Variants in RIMKLA observed in about 807,000 individuals in gnomAD.
RIMKLA encodes the protein N-acetylaspartylglutamate synthase A.
Under a neutral mutation model 32.7 loss-of-function variants are expected in RIMKLA, and 14 were observed. That is an observed-to-expected ratio of 0.43 (90% CI 0.28 to 0.67). The LOEUF is 0.67. Among genes scored for constraint, RIMKLA ranks in the 30% least tolerant of loss-of-function variants. The pLI, the probability that RIMKLA is intolerant of heterozygous loss-of-function variation, is 0.18. For missense variants in RIMKLA, 410 were observed against 519.0 expected (o/e 0.79, Z 2.04); for synonymous variants, 176 against 204.1 (o/e 0.86, Z 1.18).
intron 1 of RIMKLA, among the ~76,000 whole-genome samples, chr1:42,381,824 T>C (rs1642891694): frequency 6.6e-6 from 1 of 152,200 alleles, no homozygotes. Flanking sequence ...AAAAGGTTAA[T>C]TATTTTTTCG....
At chr1:42,388,732 A>G (rs1394437775) in intron 1 of RIMKLA, among the ~76,000 whole-genome samples, 2 of 150,930 alleles carry the variant, frequency 1.3e-5, no homozygotes, top group Non-Finnish European at 1.5e-5. Flanking sequence ...TGGCCAGGCT[A>G]GTCTTGAACT....
chr1:42,406,702 G>A (rs1215241209), intron 3 of RIMKLA, among the ~76,000 whole-genome samples: 1 of 152,042 alleles, frequency 6.6e-6, no homozygotes, highest in Non-Finnish European at 1.5e-5. Context: ...ATGTATGTAT[G>A]TATGCTTATT....
At chr1:42,411,767 C>T (rs1047111147) in intron 4 of RIMKLA, among the ~76,000 whole-genome samples, 12 of 151,954 alleles carry the variant, frequency 7.9e-5, no homozygotes, top group Non-Finnish European at 1.2e-4. Flanking sequence ...TCTGCCTCCC[C>T]GGTTCACACC....
chr1:42,406,937 T>G (rs80261905), intron 3 of RIMKLA, among the ~76,000 whole-genome samples: 1 of 152,062 alleles, frequency 6.6e-6, no homozygotes, highest in African/African-American at 2.4e-5. Flanking sequence ...TTTTTTTTTT[T>G]GAGATATGCT....
chr1:42,399,612 C>T lies in RIMKLA; in HGVS notation c.372C>T (p.Pro124=), dbSNP rs1266212838. The T allele has an allele frequency of 8.1e-6, 13 of 1,607,458 alleles. No homozygotes were observed. Among genetic ancestry groups the T allele is most frequent in the Non-Finnish European group, 1.1e-5 (13 of 1,176,490 alleles). ...AAGAACTGGCTGGACATGGGGTCCCCATGCCAGACACCTTCTCCTATGGTG... is the reference window on the plus strand; with the variant it reads ...AAGAACTGGCTGGACATGGGGTCCCTATGCCAGACACCTTCTCCTATGGTG... ...TFQELAGHGV[P]MPDTFSYGGH... Residue 124 remains proline, a synonymous_variant, in exon 2 of 5, where the codon CCC becomes CCT. Coordinates refer to ENST00000431473, the MANE Select transcript of RIMKLA (RefSeq NM_173642.4).
chr1:42,384,575 GTATA>G (rs982421032), intron 1 of RIMKLA, among the ~76,000 whole-genome samples: 1 of 139,188 alleles, frequency 7.2e-6, no homozygotes, highest in Non-Finnish European at 1.5e-5. Flanking sequence ...ATATATATGT[GTATA>G]TATGTGTGTA....
rs1643234628 is a variant in RIMKLA at position 42,415,081 on chromosome 1, T to C, written c.*107T>C. 4.8e-6 allele frequency: 6 copies of C among 1,246,670 alleles called. No homozygotes were observed. In the East Asian group the frequency reaches 1.4e-4, roughly 29 times the overall value. The allele number at this position is 1,246,670 out of a possible 1,614,324, so 77.2% of individuals were successfully genotyped here. ...ATTTCATTTGCACAGAAACTAGAAA[T>C]CCCATCTGGGCACTCAGCATTTTTT... On this transcript the variant is annotated 3_prime_UTR_variant, in exon 5 of 5. Coordinates refer to ENST00000431473, the MANE Select transcript of RIMKLA (RefSeq NM_173642.4).
At chr1:42,389,247 G>A (rs1182916807) in intron 1 of RIMKLA, among the ~76,000 whole-genome samples, 1 of 152,200 alleles carries the variant, frequency 6.6e-6, no homozygotes, top group East Asian at 1.9e-4. Context: ...GATATGTCAG[G>A]TAGCCATTTA....
At chr1:42,385,775 C>CTTTG (rs1280215808) in intron 1 of RIMKLA, among the ~76,000 whole-genome samples, 12 of 55,308 alleles carry the variant, frequency 2.2e-4, no homozygotes, top group African/African-American at 3.7e-4. Flanking sequence ...TTCTTTGTTT[C>CTTTG]TTTGTTTGTT....
At chr1:42,410,914 C>T (rs1412723667) in intron 4 of RIMKLA, among the ~76,000 whole-genome samples, 1 of 152,176 alleles carries the variant, frequency 6.6e-6, no homozygotes, top group Admixed American at 6.5e-5. Flanking sequence ...GAGGCTTAGA[C>T]ACTGTCTGGC....
In RIMKLA at chr1:42,415,168, ACT is replaced by A. The variant is rs1643235418; in HGVS notation, c.*196_*197del. 1 of 547,812 alleles carries A rather than the reference ACT, an allele frequency of 1.8e-6. No individual in the cohort carries two copies. The highest frequency in any genetic ancestry group is 2.9e-5 in the East Asian group (1 of 34,148). The allele number at this position is 547,812 out of a possible 1,614,324, so 33.9% of individuals were successfully genotyped here. ...TTTTTACAAAGACAAATATAAAAACACTCAAGAACAACGTCCCGACTGATCAG... is the reference window on the plus strand; with the variant it reads ...TTTTTACAAAGACAAATATAAAAACACAAGAACAACGTCCCGACTGATCAG... On this transcript the variant is annotated 3_prime_UTR_variant, in exon 5 of 5. Coordinates refer to ENST00000431473, the MANE Select transcript of RIMKLA (RefSeq NM_173642.4).
intron 3 of RIMKLA, among the ~76,000 whole-genome samples, chr1:42,405,748 T>C (rs747313685): frequency 4.6e-5 from 7 of 152,278 alleles, no homozygotes; most frequent in Middle Eastern, 3.4e-3. Flanking sequence ...ATCACTGATA[T>C]AGCAAGTATG....
At chr1:42,410,784 A>G (rs539562891) in intron 4 of RIMKLA, among the ~76,000 whole-genome samples, 29 of 152,236 alleles carry the variant, frequency 1.9e-4, no homozygotes, top group Non-Finnish European at 3.4e-4. Flanking sequence ...CATCACAGAA[A>G]GCTATTGTCA....
chr1:42,397,383 G>A (rs1017227979), intron 1 of RIMKLA, among the ~76,000 whole-genome samples: 1 of 152,146 alleles, frequency 6.6e-6, no homozygotes, highest in Non-Finnish European at 1.5e-5. Flanking sequence ...AAAATAGAAG[G>A]TGCTTTGGGT....
Position 42,413,166 on chromosome 1 carries a change from T to G in RIMKLA, c.686-1318T>G, listed in dbSNP as rs1053131613. Among the ~76,000 whole-genome samples, 6 of 151,896 alleles carry G rather than the reference T, an allele frequency of 4.0e-5. No homozygotes were observed. The South Asian group carries it at 1.0e-3, about 26-fold the overall frequency. The stretch of plus-strand genomic sequence containing the variant: ...TAAATAAATAAATAAGTTAATTTTA[T>G]TTGTTCTAATCATGAGAAGAATACA... On this transcript the variant is annotated intron_variant, in intron 4 of 4. Coordinates refer to ENST00000431473, the MANE Select transcript of RIMKLA (RefSeq NM_173642.4).
intron 1 of RIMKLA, among the ~76,000 whole-genome samples, chr1:42,392,594 G>T (rs939225470): frequency 2.0e-5 from 3 of 152,148 alleles, no homozygotes; most frequent in African/African-American, 7.2e-5. Flanking sequence ...GCCCACACAT[G>T]TATGGCAAGC....
intron 3 of RIMKLA, among the ~76,000 whole-genome samples, chr1:42,405,157 G>T (rs1365610576): frequency 6.6e-6 from 1 of 152,104 alleles, no homozygotes; most frequent in Non-Finnish European, 1.5e-5. Flanking sequence ...AACTTCTTCT[G>T]CTCATCCTTT....
At chr1:42,385,842 T>TTCTCTCTCTCTCTCTCTCTC in intron 1 of RIMKLA, among the ~76,000 whole-genome samples, 1 of 63,606 alleles carries the variant, frequency 1.6e-5, no homozygotes, top group African/African-American at 6.1e-5. Context: ...CTTTCTTTCT[T>TTCTCTCTCTCTCTCTCTCTC]TCTCTTTCTT....
chr1:42,405,822 A>G (rs1445045345), intron 3 of RIMKLA, among the ~76,000 whole-genome samples: 1 of 152,234 alleles, frequency 6.6e-6, no homozygotes, highest in Non-Finnish European at 1.5e-5. Flanking sequence ...CTTCACTGGA[A>G]GAAAAGCAGA....
Sources: gnomAD v4.1 joint callset for allele counts (sites outside exome capture counted in the v4.1 genomes callset) on GRCh38, gnomAD v4.1.1 for gene constraint, MANE v1.5 for transcripts, NCBI Gene and HGNC (gene_info 2026-07-23, HGNC 2026-07-21) for gene names.